The following HABP2 variants were observed in gnomAD, a reference collection of about 807,000 sequenced individuals.
HABP2 encodes factor VII-activating protease.
In HABP2, 65 loss-of-function variants were observed where a neutral mutation model predicts 66.5. The ratio of observed to expected loss-of-function variants is 0.98; its 90% CI spans 0.80 to 1.20. The LOEUF is 1.20. Ranked by LOEUF, HABP2 falls within the 50% of genes most tolerant of loss-of-function variation. The probability of loss-of-function intolerance (pLI) is 0.00; values close to 1 mark genes in which losing one functional copy is unlikely to be tolerated. For missense variants in HABP2, 786 were observed against 691.0 expected, an observed-to-expected ratio of 1.14 and a Z score of -1.54; for synonymous variants, 263 against 253.9, an observed-to-expected ratio of 1.04 and a Z score of -0.34.
chr10:113,556,732 A>G (rs1471657733), intron 1 of HABP2, among the ~76,000 whole-genome samples: 3 of 151,538 alleles, frequency 2.0e-5, no homozygotes, highest in Admixed American at 1.3e-4. Context: ...TTTAAAAAAA[A>G]AAAGAAAGAA....
At chr10:113,572,577 C>T (rs972471186) in intron 2 of HABP2, 1 of 372,502 alleles carries the variant, frequency 2.7e-6, no homozygotes, top group Non-Finnish European at 5.4e-6. Context: ...TCCTAAATGT[C>T]AGTTTGAAAT....
rs150678267 is a variant in HABP2, at chr10:113,582,406, C to T, written c.1094+275C>T. 2.9e-3 allele frequency among the ~76,000 whole-genome samples: 437 copies of T among 152,336 alleles called. 2 individuals carry two copies. Among genetic ancestry groups the T allele is most frequent in the African/African-American group, 1.0e-2 (415 of 41,584 alleles). ...CAGGGATTTTTATCTGTTTTATTAA[C>T]TGTAGGATCTCCAGTGTCTTGAGCA... On this transcript the variant is annotated intron_variant, in intron 9 of 12. Coordinates refer to ENST00000351270, the MANE Select transcript of HABP2 (RefSeq NM_004132.5).
In HABP2 at chr10:113,589,224, C is replaced by A; in HGVS notation, c.*855C>A. ...TCCTTTTCCCCTCTTCTACCCTCCC[C>A]AAGAAAAAGGGCCTTCAAGGCAGGA... On this transcript the variant is annotated 3_prime_UTR_variant, in exon 13 of 13. Transcript: ENST00000351270. 1 of 639,034 alleles carries A rather than the reference C, an allele frequency of 1.6e-6. No individual in the cohort carries two copies. Among genetic ancestry groups the A allele is most frequent in the Non-Finnish European group, 2.7e-6 (1 of 375,936 alleles). The allele number at this position is 639,034 out of a possible 1,614,324, so 39.6% of individuals were successfully genotyped here. A position where few individuals can be genotyped will look rare whatever the true frequency, so the allele number is the denominator to read the frequency against.
At chr10:113,561,137 A>G (rs911927639) in intron 1 of HABP2, among the ~76,000 whole-genome samples, 3 of 152,232 alleles carry the variant, frequency 2.0e-5, no homozygotes, top group African/African-American at 7.2e-5. Context: ...AAGGAGGGGC[A>G]GAGAGAGAAG....
chr10:113,576,099 A>T, intron 4 of HABP2, 95 bp downstream of exon 4: 1 of 752,614 alleles, frequency 1.3e-6, no homozygotes, highest in South Asian at 1.6e-5. Context: ...CATGGAAAGG[A>T]TTATAACTGC....
At chr10:113,559,324 G>T (rs956119602) in intron 1 of HABP2, among the ~76,000 whole-genome samples, 4 of 152,178 alleles carry the variant, frequency 2.6e-5, no homozygotes, top group Admixed American at 2.0e-4. Context: ...TTCTCACCAA[G>T]TCTCACCTGC....
intron 5 of HABP2, 56 bp downstream of exon 5, chr10:113,577,322 C>T: frequency 1.1e-6 from 1 of 913,752 alleles, no homozygotes; most frequent in Non-Finnish European, 1.8e-6. Context: ...CTTGTACCTG[C>T]ACCCTTCTGC....
intron 11 of HABP2, among the ~76,000 whole-genome samples, chr10:113,585,128 TG>T (rs1292046711): frequency 6.6e-6 from 1 of 152,248 alleles, no homozygotes; most frequent in African/African-American, 2.4e-5. Flanking sequence ...GAAAGATGTC[TG>T]GCTAATTGGA....
chr10:113,586,681 C>T (rs1375469012), intron 12 of HABP2, among the ~76,000 whole-genome samples: 1 of 152,104 alleles, frequency 6.6e-6, no homozygotes, highest in Non-Finnish European at 1.5e-5. Context: ...CTGTAGGGAT[C>T]ACATCACACA....
At chr10:113,576,078 C>A in intron 4 of HABP2, 74 bp downstream of exon 4, 1 of 836,834 alleles carries the variant, frequency 1.2e-6, no homozygotes, top group Non-Finnish European at 2.1e-6. Flanking sequence ...TGAGAAAGCA[C>A]TGCGCAATGC....
chr10:113,569,396 C>T lies in HABP2; in HGVS notation c.106+1871C>T, dbSNP rs544636842. Among the ~76,000 whole-genome samples, 3 of 152,346 alleles carry T rather than the reference C, an allele frequency of 2.0e-5. No individual in the cohort carries two copies. In the South Asian group the frequency reaches 6.2e-4, roughly 32 times the overall value. On this transcript the variant is annotated intron_variant, in intron 2 of 12. Transcript: ENST00000351270. ...GTTTAAAAACATCCCTGTTCAGTGT[C>T]CGACTTAACCTCTCACAGGGGTTGT...
intron 1 of HABP2, among the ~76,000 whole-genome samples, chr10:113,557,584 G>A (rs962247161): frequency 6.6e-6 from 1 of 152,120 alleles, no homozygotes; most frequent in African/African-American, 2.4e-5. Flanking sequence ...ACGATCCCAG[G>A]AAAAATGGTT....
intron 1 of HABP2, among the ~76,000 whole-genome samples, chr10:113,555,207 T>C (rs990978985): frequency 6.6e-6 from 1 of 152,240 alleles, no homozygotes; most frequent in African/African-American, 2.4e-5. Flanking sequence ...CAAGAAGTAA[T>C]TCCTACTATG....
chr10:113,579,423 A>G (rs11575761), intron 7 of HABP2, among the ~76,000 whole-genome samples: 3 of 152,202 alleles, frequency 2.0e-5, no homozygotes, highest in African/African-American at 7.2e-5. Context: ...TCAACCTAGA[A>G]GGGACACATC....
At chr10:113,560,666 G>A (rs559477568) in intron 1 of HABP2, among the ~76,000 whole-genome samples, 1 of 152,344 alleles carries the variant, frequency 6.6e-6, no homozygotes, top group Non-Finnish European at 1.5e-5. Flanking sequence ...ATTAGATAGA[G>A]ACAATGGAAT....
intron 3 of HABP2, 121 bp from the exon 4 acceptor site, chr10:113,575,776 T>C (rs1845396305): frequency 3.0e-6 from 2 of 673,970 alleles, no homozygotes; most frequent in African/African-American, 3.6e-5. Flanking sequence ...TTCCCCAGTT[T>C]CTGGCTCAGT....
In HABP2 at chr10:113,580,663, A is replaced by C. The variant is rs1462138655; in HGVS notation, c.809A>C (p.Tyr270Ser). The change falls in exon 8 of 13, where the codon TAC becomes TCC. Residue 270 changes from tyrosine to serine, a missense_variant. Transcript: ENST00000351270. ...KVTNDKVKWE[Y>S]CDVSACSAQD... ...ACCAATGACAAGGTGAAATGGGAAT[A>C]CTGTGATGTCTCAGCCTGCTCAGCC... The C allele has an allele frequency of 1.3e-6, 2 of 1,594,980 alleles. No individual in the cohort carries two copies. The highest frequency in any genetic ancestry group is 2.2e-5 in the South Asian group (2 of 90,706).
At chr10:113,561,835 G>A (rs918104008) in intron 1 of HABP2, among the ~76,000 whole-genome samples, 1 of 152,192 alleles carries the variant, frequency 6.6e-6, no homozygotes, top group Non-Finnish European at 1.5e-5. Flanking sequence ...AAGAATCTTA[G>A]TTGAAATAAT....
chr10:113,559,944 C>T (rs549436538), intron 1 of HABP2, among the ~76,000 whole-genome samples: 2 of 152,292 alleles, frequency 1.3e-5, no homozygotes, highest in African/African-American at 2.4e-5. Flanking sequence ...CCCTCCCCTG[C>T]CCCAATGTGT....
Sources: gnomAD v4.1 joint callset for allele counts (sites outside exome capture counted in the v4.1 genomes callset) on GRCh38, gnomAD v4.1.1 for gene constraint, MANE v1.5 for transcripts, NCBI Gene and HGNC (gene_info 2026-07-23, HGNC 2026-07-21) for gene names.